Variants in RMDN2 observed in about 807,000 individuals in gnomAD.
RMDN2 encodes the protein regulator of microtubule dynamics protein 2.
A neutral mutation model predicts 52.8 loss-of-function variants in RMDN2; 61 were observed. The ratio of observed to expected loss-of-function variants is 1.16; its 90% CI spans 0.94 to 1.43. RMDN2 has a LOEUF of 1.43. Ranked by LOEUF, RMDN2 falls within the 40% of genes most tolerant of loss-of-function variation. The pLI is 0.00. For missense variants in RMDN2, 592 were observed against 475.3 expected (o/e 1.25, Z -2.28); for synonymous variants, 180 against 153.1 (o/e 1.18, Z -1.30).
intron 10 of RMDN2, among the ~76,000 whole-genome samples, chr2:38,065,036 A>G (rs1430430274): frequency 2.0e-5 from 3 of 152,232 alleles, no homozygotes; most frequent in African/African-American, 7.2e-5. Flanking sequence ...AAGTAAACAC[A>G]TACCAAGCTG....
chr2:38,014,965 G>GA (rs1678542475), intron 10 of RMDN2, among the ~76,000 whole-genome samples: 1 of 152,206 alleles, frequency 6.6e-6, no homozygotes, highest in South Asian at 2.1e-4. Flanking sequence ...CATGGGCCAG[G>GA]AAAGGTCATC....
chr2:37,954,684 G>A (rs370137373), intron 2 of RMDN2, among the ~76,000 whole-genome samples: 5 of 152,078 alleles, frequency 3.3e-5, no homozygotes, highest in South Asian at 4.2e-4. Context: ...TGGCCATTTC[G>A]GGTGTCTTGG....
intron 10 of RMDN2, among the ~76,000 whole-genome samples, chr2:38,043,766 T>C (rs1466083492): frequency 4.6e-5 from 7 of 152,104 alleles, no homozygotes; most frequent in African/African-American, 1.7e-4. Context: ...AGACATCTTT[T>C]AGTAATATAT....
At chr2:37,977,579 G>C (rs1672678895) in intron 4 of RMDN2, among the ~76,000 whole-genome samples, 1 of 151,730 alleles carries the variant, frequency 6.6e-6, no homozygotes, top group African/African-American at 2.4e-5. Context: ...GCGGCTGCTG[G>C]GCGGAGGGGC....
Position 37,929,493 on chromosome 2 carries a change from A to C in RMDN2, c.216A>C (p.Gln72His). 1 of 1,551,562 alleles carries C rather than the reference A, an allele frequency of 6.4e-7. No homozygotes were observed. The highest frequency in any genetic ancestry group is 8.7e-7 in the Non-Finnish European group (1 of 1,146,732). The part of the protein sequence containing the change: ...QGTTVIFQER[Q>H]LQILEKLNEL... ...CAACAGTAATCTTTCAAGAAAGGCA[A>C]CTTCAGATACTGGAGAAGTTAAACG... Residue 72 changes from glutamine (Q) to histidine (H), a missense_variant, in exon 2 of 11, where the codon CAA (glutamine) becomes CAC (histidine). Physicochemically the swap from Gln to His is conservative, Grantham distance 24. Coordinates refer to ENST00000354545, the MANE Select transcript of RMDN2 (RefSeq NM_001170791.3).
intron 8 of RMDN2, among the ~76,000 whole-genome samples, chr2:38,001,479 C>A (rs934746491): frequency 6.6e-6 from 1 of 152,146 alleles, no homozygotes; most frequent in African/African-American, 2.4e-5. Context: ...TGTTAGTTGC[C>A]TGTCTGTGTT....
At chr2:38,007,325 C>T (rs892372167) in intron 10 of RMDN2, among the ~76,000 whole-genome samples, 7 of 152,150 alleles carry the variant, frequency 4.6e-5, no homozygotes, top group African/African-American at 1.7e-4. Context: ...GCTGTGAATC[C>T]ATCTGGTCCT....
At chr2:37,982,508 C>G (rs1673457596) in intron 5 of RMDN2, among the ~76,000 whole-genome samples, 2 of 152,152 alleles carry the variant, frequency 1.3e-5, no homozygotes. Flanking sequence ...AATCCTCACT[C>G]CCAGTCTCTT....
At chr2:38,005,917 A>G (rs1185807343) in intron 10 of RMDN2, among the ~76,000 whole-genome samples, 2 of 152,234 alleles carry the variant, frequency 1.3e-5, no homozygotes, top group Non-Finnish European at 2.9e-5. Context: ...AGCTTTCTAC[A>G]TATGGCTAGC....
intron 2 of RMDN2, among the ~76,000 whole-genome samples, chr2:37,965,484 A>G (rs947853369): frequency 1.3e-5 from 2 of 152,044 alleles, no homozygotes; most frequent in Non-Finnish European, 2.9e-5. Context: ...TTTTAATTAC[A>G]TACAAAAATT....
At chr2:37,997,638 G>T (rs1045464651) in intron 8 of RMDN2, 124 bp downstream of exon 8, 4 of 689,224 alleles carry the variant, frequency 5.8e-6, no homozygotes, top group Non-Finnish European at 1.0e-5. Context: ...GTTTTGGCAT[G>T]TTCTGTTTTA....
intron 5 of RMDN2, among the ~76,000 whole-genome samples, chr2:37,989,115 A>T (rs933474424): frequency 2.0e-5 from 3 of 152,180 alleles, no homozygotes; most frequent in Non-Finnish European, 4.4e-5. Flanking sequence ...TTTTAAGTTG[A>T]CTTTAACAGT....
chr2:37,994,075 C>A (rs551633731), intron 7 of RMDN2, among the ~76,000 whole-genome samples: 45 of 152,138 alleles, frequency 3.0e-4, no homozygotes, highest in Non-Finnish European at 5.4e-4. Flanking sequence ...GTCAAACTTT[C>A]ACAGAAAGTG....
At chr2:38,057,680 T>C (rs987721621) in intron 10 of RMDN2, among the ~76,000 whole-genome samples, 4 of 152,124 alleles carry the variant, frequency 2.6e-5, no homozygotes, top group Non-Finnish European at 5.9e-5. Context: ...TAGGAGGTGA[T>C]TGGATCAATG....
intron 2 of RMDN2, among the ~76,000 whole-genome samples, chr2:37,930,775 G>A (rs770908927): frequency 8.5e-5 from 13 of 152,200 alleles, no homozygotes; most frequent in Non-Finnish European, 1.9e-4. Context: ...CAGAGACAGA[G>A]GGGAGAGTGA....
chr2:38,026,750 C>G (rs1679810633), intron 10 of RMDN2, among the ~76,000 whole-genome samples: 1 of 152,142 alleles, frequency 6.6e-6, no homozygotes, highest in African/African-American at 2.4e-5. Context: ...TATCCCTCCC[C>G]TAGTCCACTT....
downstream of RMDN2, among the ~76,000 whole-genome samples, chr2:38,021,735 A>G (rs1391416790): frequency 1.3e-5 from 2 of 152,210 alleles, no homozygotes; most frequent in African/African-American, 4.8e-5. Flanking sequence ...GGTTGGCCGT[A>G]CAAATCCCAC....
At chr2:37,951,820 C>G in intron 2 of RMDN2, 1 of 1,613,642 alleles carries the variant, frequency 6.2e-7, no homozygotes, top group Non-Finnish European at 8.5e-7. Flanking sequence ...TTTGGGAACA[C>G]TATTGATACA....
In RMDN2 at chr2:37,944,392, C is replaced by G. The variant is rs530952261; in HGVS notation, c.452+14663C>G. On this transcript the variant is annotated intron_variant, in intron 2 of 10. Coordinates refer to ENST00000354545, the MANE Select transcript of RMDN2 (RefSeq NM_001170791.3). ...ACCATACAGTCTCCGTCTCAAAACTCTGCCATTGTAGTGTGAAAGCAGCCA... is the reference window on the plus strand; with the variant it reads ...ACCATACAGTCTCCGTCTCAAAACTGTGCCATTGTAGTGTGAAAGCAGCCA... 3.6e-4 allele frequency among the ~76,000 whole-genome samples: 54 copies of G among 151,696 alleles called. No individual in the cohort carries two copies. The South Asian group carries it at 0.01, about 29-fold the overall frequency.
Sources: gnomAD v4.1 joint callset for allele counts (sites outside exome capture counted in the v4.1 genomes callset) on GRCh38, gnomAD v4.1.1 for gene constraint, MANE v1.5 for transcripts, NCBI Gene and HGNC (gene_info 2026-07-23, HGNC 2026-07-21) for gene names.